Variants in CNTN4 observed in about 807,000 individuals in gnomAD.
CNTN4 encodes the protein contactin-4.
CNTN4 carries 77 observed loss-of-function variants against 122.5 expected under a neutral mutation model. The observed-to-expected ratio is 0.63, with a 90% CI of 0.52 to 0.76. The LOEUF (loss-of-function observed/expected upper bound fraction) is 0.76, where lower values mean the gene tolerates loss of function less well. Among genes scored for constraint, CNTN4 ranks in the 30% least tolerant of loss-of-function variants. The pLI, the probability that CNTN4 is intolerant of heterozygous loss-of-function variation, is 0.00. For missense variants in CNTN4, 1,256 were observed against 1,259.1 expected (o/e 1.00, Z 0.04); for synonymous variants, 512 against 447.0 (o/e 1.15, Z -1.83).
At position 2,788,204 on chromosome 3, in the gene CNTN4, T is replaced by G. The variant is rs185905179; in HGVS notation, c.359-31282T>G. Among the ~76,000 whole-genome samples the G allele has an allele frequency of 9.5e-4, 144 of 152,326 alleles. 1 individual carries two copies. Among genetic ancestry groups the G allele is most frequent in the African/African-American group, 3.2e-3 (135 of 41,574 alleles). ...CATGTACCAGGCATAGTTCTAAGCATTAATTTCAAGTGGACATTTGGGAAG... is the reference window on the plus strand; with the variant it reads ...CATGTACCAGGCATAGTTCTAAGCAGTAATTTCAAGTGGACATTTGGGAAG... On this transcript the variant is annotated intron_variant, in intron 6 of 24. Coordinates refer to ENST00000418658, the MANE Select transcript of CNTN4 (RefSeq NM_175607.3).
At chr3:2,316,452 ATTAG>A (rs1297652790) in intron 2 of CNTN4, among the ~76,000 whole-genome samples, 4 of 152,148 alleles carry the variant, frequency 2.6e-5, no homozygotes, top group Non-Finnish European at 5.9e-5. Context: ...ATTAGTCTCA[ATTAG>A]TTAATTTATT....
intron 14 of CNTN4, 112 bp downstream of exon 14, chr3:2,988,584 G>T (rs1367767607): frequency 5.4e-6 from 6 of 1,104,394 alleles, no homozygotes; most frequent in Non-Finnish European, 8.3e-6. Flanking sequence ...CCACTGTATT[G>T]CTAAATTAAT....
Position 2,806,123 on chromosome 3 carries a change from G to A in CNTN4, c.359-13363G>A, listed in dbSNP as rs1368761319. On this transcript the variant is annotated intron_variant, in intron 6 of 24. Coordinates refer to ENST00000418658, the MANE Select transcript of CNTN4 (RefSeq NM_175607.3). ...TCACCTTGTTAGCCAGGATGGTGTC[G>A]ATCTCCTGACCTCGGGATCCGCCTG... Among the ~76,000 whole-genome samples, 10 of 152,174 alleles carry A rather than the reference G, an allele frequency of 6.6e-5. No individual in the cohort carries two copies. The East Asian group carries it at 1.7e-3, about 27-fold the overall frequency.
chr3:2,770,017 TTGTTTG>T (rs1237513777), intron 6 of CNTN4, among the ~76,000 whole-genome samples: 513 of 10,564 alleles, frequency 0.049, 3 homozygotes, highest in African/African-American at 0.064. Context: ...CTGTCTCTTT[TTGTTTG>T]TTTGTTTGTT....
At chr3:2,146,327 T>G (rs2035246938) in intron 2 of CNTN4, among the ~76,000 whole-genome samples, 1 of 151,820 alleles carries the variant, frequency 6.6e-6, no homozygotes, top group South Asian at 2.1e-4. Flanking sequence ...GAGTAAAATT[T>G]ATTTCTAAAG....
chr3:2,287,711 G>GGAAGAGGAAGAAGAA (rs1559415965), intron 2 of CNTN4, among the ~76,000 whole-genome samples: 1 of 65,420 alleles, frequency 1.5e-5, no homozygotes, highest in African/African-American at 6.1e-5. Flanking sequence ...AAGAAGAAGA[G>GGAAGAGGAAGAAGAA]GAAGAAGAAG....
chr3:2,631,459 A>G (rs1576288567), intron 4 of CNTN4, among the ~76,000 whole-genome samples: 2 of 152,242 alleles, frequency 1.3e-5, no homozygotes, highest in South Asian at 4.1e-4. Context: ...CTTAAGAGTT[A>G]CCATGTACTA....
intron 7 of CNTN4, among the ~76,000 whole-genome samples, chr3:2,848,810 A>G (rs1034503026): frequency 1.3e-5 from 2 of 152,190 alleles, no homozygotes; most frequent in East Asian, 1.9e-4. Context: ...TCTTAAACCA[A>G]TTATGGTGAG....
At chr3:2,652,070 T>C (rs1206987955) in intron 4 of CNTN4, among the ~76,000 whole-genome samples, 1 of 151,954 alleles carries the variant, frequency 6.6e-6, no homozygotes, top group African/African-American at 2.4e-5. Context: ...CATCCAGTTC[T>C]AGCAACTTGG....
At chr3:2,375,925 A>G (rs1223740746) in intron 3 of CNTN4, among the ~76,000 whole-genome samples, 3 of 152,104 alleles carry the variant, frequency 2.0e-5, no homozygotes, top group Non-Finnish European at 2.9e-5. Flanking sequence ...GAAAGAAGAA[A>G]AAAAAAAAGA....
At chr3:3,021,565 T>C (rs1698292068) in intron 14 of CNTN4, among the ~76,000 whole-genome samples, 1 of 151,902 alleles carries the variant, frequency 6.6e-6, no homozygotes, top group South Asian at 2.1e-4. Flanking sequence ...ACCATTAGAG[T>C]CAAGAAATTT....
At chr3:2,338,912 C>G (rs988301634) in intron 2 of CNTN4, among the ~76,000 whole-genome samples, 2 of 152,068 alleles carry the variant, frequency 1.3e-5, no homozygotes, top group Non-Finnish European at 2.9e-5. Flanking sequence ...AGCCATCATA[C>G]TAACAAGGGA....
At position 2,239,949 on chromosome 3, in the gene CNTN4, A is replaced by T. The variant is rs529470228; in HGVS notation, c.-144-99229A>T. On this transcript the variant is annotated intron_variant, in intron 2 of 24. Transcript: ENST00000418658. Reference sequence around the variant, plus strand: ...AGAAAGAATCCCTCATAACCATGTTAGCTCAAGGTTATCTTGTATCTGATT... The same window carrying T: ...AGAAAGAATCCCTCATAACCATGTTTGCTCAAGGTTATCTTGTATCTGATT... Among the ~76,000 whole-genome samples the T allele has an allele frequency of 1.5e-3, 231 of 152,334 alleles. 3 individuals carry two copies. The highest frequency in any genetic ancestry group is 1.3e-3 in the Non-Finnish European group (90 of 68,022).
chr3:2,839,811 C>T (rs967390974), intron 7 of CNTN4, among the ~76,000 whole-genome samples: 5 of 152,154 alleles, frequency 3.3e-5, no homozygotes, highest in African/African-American at 9.7e-5. Flanking sequence ...ACTTACAGAC[C>T]GAGCACAGTG....
Position 2,942,002 on chromosome 3 carries a change from A to T in CNTN4, c.1358+16223A>T, listed in dbSNP as rs186574138. ...CTTCTTTGCATTTTTCTGAATTTGT[A>T]ATTCCATATTTATGTTTTCATTGAG... is the stretch of plus-strand genomic sequence containing the variant. On this transcript the variant is annotated intron_variant, in intron 13 of 24. Coordinates refer to ENST00000418658, the MANE Select transcript of CNTN4 (RefSeq NM_175607.3). Among the ~76,000 whole-genome samples, 79 of 152,298 alleles carry T rather than the reference A, an allele frequency of 5.2e-4. 1 individual carries two copies. The highest frequency in any genetic ancestry group is 1.8e-3 in the African/African-American group (76 of 41,544).
chr3:3,031,209 T>C (rs1699132915), intron 16 of CNTN4, among the ~76,000 whole-genome samples: 2 of 152,176 alleles, frequency 1.3e-5, no homozygotes, highest in Admixed American at 6.5e-5. Context: ...AGAAGGATAA[T>C]TGAGTAAATC....
At chr3:2,534,053 G>T (rs2077703445) in intron 3 of CNTN4, among the ~76,000 whole-genome samples, 1 of 152,112 alleles carries the variant, frequency 6.6e-6, no homozygotes, top group South Asian at 2.1e-4. Flanking sequence ...CATGCTGTAG[G>T]TTGCCTGTTC....
chr3:2,432,348 G>A (rs2048104858), intron 3 of CNTN4, among the ~76,000 whole-genome samples: 1 of 152,184 alleles, frequency 6.6e-6, no homozygotes, highest in African/African-American at 2.4e-5. Flanking sequence ...CTCTATAAAT[G>A]TGTATTCTGT....
At chr3:2,254,033 TC>T (rs2040478665) in intron 2 of CNTN4, among the ~76,000 whole-genome samples, 1 of 148,516 alleles carries the variant, frequency 6.7e-6, no homozygotes, top group African/African-American at 2.5e-5. Context: ...ATGCTATCCC[TC>T]CCCTAGCCCC....
Sources: allele counts gnomAD v4.1 joint callset (sites outside exome capture counted in the v4.1 genomes callset), GRCh38; gene constraint gnomAD v4.1.1; transcripts MANE v1.5; gene names NCBI Gene and HGNC (gene_info 2026-07-23, HGNC 2026-07-21).